The following MIDEAS variants were observed in gnomAD, a reference collection of about 807,000 sequenced individuals.
The protein encoded by MIDEAS is mitotic deacetylase-associated SANT domain protein.
A neutral mutation model predicts 102.7 loss-of-function variants in MIDEAS; 26 were observed. The ratio of observed to expected loss-of-function variants is 0.25; its 90% CI spans 0.19 to 0.35. The LOEUF is 0.35. Among genes scored for constraint, MIDEAS ranks in the 10% least tolerant of loss-of-function variants. The pLI is 1.00. For missense variants in MIDEAS, 1,231 were observed against 1,435.6 expected, an observed-to-expected ratio of 0.86 and a Z score of 2.30; for synonymous variants, 585 against 591.0, an observed-to-expected ratio of 0.99 and a Z score of 0.15.
In MIDEAS at chr14:73,719,382, T is replaced by C. The variant is rs2140091665; in HGVS notation, c.3057A>G (p.Ser1019=). ...ATGTCTCTGTTTTTTTCTTCTTCTCTGAAAAAGGTAGTGCCCTTCGTGACT... is the reference window on the plus strand; with the variant it reads ...ATGTCTCTGTTTTTTTCTTCTTCTCCGAAAAAGGTAGTGCCCTTCGTGACT... The part of the protein sequence containing the change: ...TGKSRRALPF[S]EKKKKTETFS... The change falls in exon 12 of 13, where the codon TCA becomes TCG. Residue 1019 remains serine, a synonymous_variant. Transcript: ENST00000423556. 6.2e-7 allele frequency: 1 copy of C among 1,614,038 alleles called. No individual in the cohort carries two copies. The highest frequency in any genetic ancestry group is 1.1e-5 in the South Asian group (1 of 91,034).
chr14:73,745,978 A>G (rs941697826), intron 1 of MIDEAS, among the ~76,000 whole-genome samples: 7 of 152,212 alleles, frequency 4.6e-5, no homozygotes, highest in African/African-American at 1.7e-4. Context: ...AACAGGCCAG[A>G]GAGTCACGAG....
At position 73,739,999 on chromosome 14, in the gene MIDEAS, G is replaced by A. The variant is rs1566593899; in HGVS notation, c.10C>T (p.Gln4Ter). Residue 4 changes from glutamine to a stop codon, truncating the protein, a stop_gained, in exon 2 of 13, where the codon CAG (glutamine) becomes TAG (stop). Transcript: ENST00000423556. LOFTEE classifies it high-confidence loss of function. ...TTGTTCTGAGCCTTGGGCTGGGCCT[G>A]GAGGTTCATGATGTGGCCAACTGAG... The part of the protein sequence containing the change: MNL[Q>*]AQPKAQNKRK... 5 of 1,495,024 alleles carry A rather than the reference G, an allele frequency of 3.3e-6. No individual in the cohort carries two copies. The highest frequency in any genetic ancestry group is 8.9e-7 in the Non-Finnish European group (1 of 1,120,496). 92.6% of individuals were successfully genotyped at this position (1,495,024 alleles called of 1,614,324 possible).
chr14:73,719,608 A>C, intron 11 of MIDEAS, 107 bp from the exon 12 acceptor site: 1 of 1,136,780 alleles, frequency 8.8e-7, no homozygotes. Context: ...TATTCCTGCC[A>C]AACAGTCACC....
chr14:73,785,942 C>T (rs1026620272), intron 1 of MIDEAS, among the ~76,000 whole-genome samples: 3 of 152,230 alleles, frequency 2.0e-5, no homozygotes, highest in African/African-American at 4.8e-5. Flanking sequence ...CTATCCTGGG[C>T]ATTTGCAGTG....
chr14:73,752,570 C>CA (rs1316441965), intron 1 of MIDEAS, among the ~76,000 whole-genome samples: 9 of 151,890 alleles, frequency 5.9e-5, no homozygotes, highest in Admixed American at 3.3e-4. Context: ...GACCAGGAAG[C>CA]AAAAAAATTT....
chr14:73,789,988 T>C (rs2053854278), upstream of MIDEAS: 1 of 152,274 alleles, frequency 6.6e-6, no homozygotes, highest in South Asian at 2.1e-4. Context: ...AGAAGGGCCT[T>C]CAACCCTGGC....
intron 3 of MIDEAS, among the ~76,000 whole-genome samples, chr14:73,731,453 G>C (rs1172319231): frequency 1.3e-5 from 2 of 151,268 alleles, no homozygotes; most frequent in African/African-American, 4.9e-5. Flanking sequence ...TCTTCCCTTA[G>C]GAAAACAATA....
In MIDEAS at chr14:73,717,050, T is replaced by A. The variant is rs1490462114; in HGVS notation, c.*1793A>T. ...CCAAGAGTCTGGAGGGAGAAGAAAT[T>A]TGTTACTTCCACAGCTGGGGTCCTG... On this transcript the variant is annotated 3_prime_UTR_variant, in exon 13 of 13. Coordinates refer to ENST00000423556, the MANE Select transcript of MIDEAS (RefSeq NM_001367710.1). The A allele has an allele frequency of 1.3e-5, 2 of 152,456 alleles. No homozygotes were observed. Among genetic ancestry groups the A allele is most frequent in the Admixed American group, 6.5e-5 (1 of 15,280 alleles). 9.4% of individuals were successfully genotyped at this position (152,456 alleles called of 1,614,324 possible).
rs548283326 is a variant in MIDEAS, at chr14:73,769,252, A to G, written c.-248+17850T>C. 3.3e-5 allele frequency among the ~76,000 whole-genome samples: 5 copies of G among 152,338 alleles called. No homozygotes were observed. The East Asian group carries it at 5.8e-4, about 18-fold the overall frequency. Reference sequence around the variant, plus strand: ...GTGAGACAAGGTGAGGGGTGGGGCCAGTGAGGAAGAGAGGACTTGCCGTTT... The same window carrying G: ...GTGAGACAAGGTGAGGGGTGGGGCCGGTGAGGAAGAGAGGACTTGCCGTTT... On this transcript the variant is annotated intron_variant, in intron 1 of 11. Transcript: ENST00000394071.
At chr14:73,789,183 A>C (rs2053846098), upstream of MIDEAS, 1 of 152,130 alleles carries the variant, frequency 6.6e-6, no homozygotes, top group African/African-American at 2.4e-5. Flanking sequence ...GAGTTCTGAC[A>C]AATAGAATAT....
At chr14:73,765,399 G>A (rs117096449) in intron 1 of MIDEAS, among the ~76,000 whole-genome samples, 6 of 152,226 alleles carry the variant, frequency 3.9e-5, no homozygotes, top group Non-Finnish European at 5.9e-5. Context: ...CTGCAAAATC[G>A]GAATGATAGT....
intron 3 of MIDEAS, among the ~76,000 whole-genome samples, chr14:73,732,048 T>G (rs540269728): frequency 6.6e-6 from 1 of 152,260 alleles, no homozygotes; most frequent in Non-Finnish European, 1.5e-5. Flanking sequence ...CAGTCTCTTG[T>G]CTTTTCTGGA....
intron 1 of MIDEAS, among the ~76,000 whole-genome samples, chr14:73,781,269 G>A (rs1352482329): frequency 6.6e-6 from 1 of 152,144 alleles, no homozygotes; most frequent in Admixed American, 6.5e-5. Flanking sequence ...CTATAAAACT[G>A]GGGCTGGATG....
At chr14:73,783,690 T>G (rs948924304) in intron 1 of MIDEAS, among the ~76,000 whole-genome samples, 7 of 152,238 alleles carry the variant, frequency 4.6e-5, no homozygotes, top group African/African-American at 7.2e-5. Flanking sequence ...GCGTTTGCCC[T>G]GTGTCATGCA....
intron 11 of MIDEAS, among the ~76,000 whole-genome samples, chr14:73,720,762 C>T (rs1251602872): frequency 6.6e-6 from 1 of 152,124 alleles, no homozygotes; most frequent in Non-Finnish European, 1.5e-5. Context: ...ACTGCTTTCC[C>T]CCATCTGCAG....
chr14:73,736,139 G>A (rs572106752), intron 3 of MIDEAS, among the ~76,000 whole-genome samples: 68 of 151,940 alleles, frequency 4.5e-4, no homozygotes, highest in Non-Finnish European at 7.1e-4. Context: ...GGACAAGAGC[G>A]AAACTCTATC....
At chr14:73,720,123 C>T (rs938157012) in intron 11 of MIDEAS, among the ~76,000 whole-genome samples, 1 of 151,930 alleles carries the variant, frequency 6.6e-6, no homozygotes, top group South Asian at 2.1e-4. Flanking sequence ...CTCTGTAGAG[C>T]GCTACACAGA....
Position 73,738,581 on chromosome 14 carries a change from C to A in MIDEAS, c.1428G>T (p.Leu476=). 1 of 1,591,236 alleles carries A rather than the reference C, an allele frequency of 6.3e-7. No individual in the cohort carries two copies. The highest frequency in any genetic ancestry group is 8.6e-7 in the Non-Finnish European group (1 of 1,168,254). ...LLTLAQKAVE[L]ASLQNAKDGS... ...TCACCTTTGCATTCTGCAGTGAGGC[C>A]AGCTCCACAGCCTTCTGGGCCAGGG... is the stretch of plus-strand genomic sequence containing the variant. Residue 476 remains leucine (L), a synonymous_variant, in exon 2 of 13, where the codon CTG becomes CTT. Coordinates refer to ENST00000423556, the MANE Select transcript of MIDEAS (RefSeq NM_001367710.1).
chr14:73,737,849 T>C (rs1312671808), intron 2 of MIDEAS, among the ~76,000 whole-genome samples: 1 of 150,500 alleles, frequency 6.6e-6, no homozygotes, highest in African/African-American at 2.4e-5. Context: ...TGGCACAATC[T>C]TGGTTCACTG....
Sources: gnomAD v4.1 joint callset for allele counts (sites outside exome capture counted in the v4.1 genomes callset) on GRCh38, gnomAD v4.1.1 for gene constraint, MANE v1.5 for transcripts, NCBI Gene and HGNC (gene_info 2026-07-23, HGNC 2026-07-21) for gene names.